The following AR variants were observed in gnomAD, a reference collection of about 807,000 sequenced individuals.
The protein encoded by AR is dihydrotestosterone receptor.
A neutral mutation model predicts 53.9 loss-of-function variants in AR; 8 were observed. That is an observed-to-expected ratio of 0.15 (90% CI 0.09 to 0.27). The LOEUF (loss-of-function observed/expected upper bound fraction) is 0.27, where lower values mean the gene tolerates loss of function less well. Ranked by LOEUF, AR falls within the 10% of genes least tolerant of loss-of-function variation. AR has a pLI of 1.00. For synonymous variants in AR, 359 were observed against 316.4 expected (o/e 1.13, Z -1.43); for missense variants, 639 against 742.5 (o/e 0.86, Z 1.62).
chrX:67,681,866 T>G (rs2075936336), intron 2 of AR, among the ~76,000 whole-genome samples: 1 of 112,382 alleles, frequency 8.9e-6, no homozygotes, highest in Non-Finnish European at 1.9e-5. Context: ...TTATGGACTG[T>G]GATTTGCAGC....
At chrX:67,680,439 A>G (rs1459685520) in intron 2 of AR, among the ~76,000 whole-genome samples, 2 of 112,342 alleles carry the variant, frequency 1.8e-5, no homozygotes, top group Non-Finnish European at 3.8e-5. Flanking sequence ...TCATTGGGAA[A>G]GAACTGAAAT....
chrX:67,568,233 T>C (rs1053913407), intron 1 of AR, among the ~76,000 whole-genome samples: 11 of 112,091 alleles, frequency 9.8e-5, no homozygotes, highest in African/African-American at 3.6e-4. Context: ...TTCTGAGGAC[T>C]AATTGTGCTT....
chrX:67,561,756 T>C (rs1460718616), intron 1 of AR, among the ~76,000 whole-genome samples: 3 of 110,327 alleles, frequency 2.7e-5, no homozygotes, highest in Non-Finnish European at 5.7e-5. Context: ...TCATGGAGCA[T>C]CTCCTTTTGT....
At chrX:67,592,320 T>A (rs1304770585) in intron 1 of AR, among the ~76,000 whole-genome samples, 3 of 112,176 alleles carry the variant, frequency 2.7e-5, no homozygotes, top group Non-Finnish European at 5.6e-5. Flanking sequence ...TATAGGGCAA[T>A]CCAGGTTTAC....
chrX:67,707,234 G>A (rs1179280746), intron 3 of AR, among the ~76,000 whole-genome samples: 1 of 111,802 alleles, frequency 8.9e-6, no homozygotes, highest in Non-Finnish European at 1.9e-5. Flanking sequence ...AATGTTGACA[G>A]TGGGGTGTTA....
intron 4 of AR, among the ~76,000 whole-genome samples, chrX:67,714,409 C>T (rs763357076): frequency 2.7e-4 from 30 of 111,872 alleles, no homozygotes; most frequent in African/African-American, 8.8e-4. Context: ...ACTGCTTTCA[C>T]GAAACTCAAT....
chrX:67,590,340 T>C (rs1922768576), intron 1 of AR, among the ~76,000 whole-genome samples: 1 of 111,600 alleles, frequency 9.0e-6, no homozygotes, highest in Non-Finnish European at 1.9e-5. Context: ...ATGATAACAA[T>C]TGTTCATCAT....
chrX:67,680,295 A>G (rs1301013324), intron 2 of AR, among the ~76,000 whole-genome samples: 1 of 112,004 alleles, frequency 8.9e-6, no homozygotes, highest in Non-Finnish European at 1.9e-5. Context: ...GATACTTTAA[A>G]TGTACAGCAG....
At chrX:67,661,039 C>T (rs1030929526) in intron 2 of AR, among the ~76,000 whole-genome samples, 2 of 111,678 alleles carry the variant, frequency 1.8e-5, no homozygotes, top group Admixed American at 1.9e-4. Flanking sequence ...CATAAGAATG[C>T]TTGTGATTTT....
At chrX:67,558,273 T>C (rs895695550) in intron 1 of AR, among the ~76,000 whole-genome samples, 1 of 112,635 alleles carries the variant, frequency 8.9e-6, no homozygotes, top group African/African-American at 3.2e-5. Context: ...ATGATAGCAC[T>C]TCCTGAATGT....
rs2076170538 is a variant in AR at position 67,729,191 on chromosome X, A to G, written c.*5350A>G. On this transcript the variant is annotated 3_prime_UTR_variant, in exon 8 of 8. Transcript: ENST00000374690. ...TGTTCTGTAAAGATTTTGACAAATG[A>G]AAATGTGTTTTTCTCTGTTAAAACT... 5.7e-6 allele frequency: 1 copy of G among 175,819 alleles called. No homozygotes were observed. The highest frequency in any genetic ancestry group is 8.1e-5 in the East Asian group (1 of 12,416). The allele number at this position is 175,819 out of a possible 1,213,427, so 14.5% of individuals were successfully genotyped here. A position where few individuals can be genotyped will look rare whatever the true frequency, so the allele number is the denominator to read the frequency against.
chrX:67,716,225 G>A (rs956556739), intron 4 of AR, among the ~76,000 whole-genome samples: 1 of 112,084 alleles, frequency 8.9e-6, no homozygotes, highest in Non-Finnish European at 1.9e-5. Context: ...CAAGTCTTGT[G>A]GGGGAGACAG....
chrX:67,546,505 T>C lies in AR; in HGVS notation c.1359T>C (p.Gly453=), dbSNP rs1434424401. ...EGQLYGPCGG[G]GGGGGGGGGG... ...AGTTGTATGGACCGTGTGGTGGTGG[T>C]GGGGGTGGTGGCGGCGGCGGCGGCG... The change falls in exon 1 of 8, where the codon GGT becomes GGC. Residue 453 remains glycine, a synonymous_variant. Coordinates refer to ENST00000374690, the MANE Select transcript of AR (RefSeq NM_000044.6). 6 of 511,767 alleles carry C rather than the reference T, an allele frequency of 1.2e-5. No individual in the cohort carries two copies. The highest frequency in any genetic ancestry group is 1.7e-5 in the Non-Finnish European group (6 of 357,153). The allele number at this position is 511,767 out of a possible 1,213,427, so 42.2% of individuals were successfully genotyped here.
At position 67,711,614 on chromosome X, in the gene AR, G is replaced by T. The variant is rs1569312988; in HGVS notation, c.2098G>T (p.Ala700Ser). Residue 700 changes from alanine (A) to serine (S), a missense_variant, in exon 4 of 8, where the codon GCC becomes TCC. This residue lies in a region of AR where 95 missense variants were observed against 196.4 expected (regional missense o/e 0.48). Transcript: ENST00000374690. ...HDNNQPDSFA[A>S]LLSSLNELGE... ...CAACAACCAGCCCGACTCCTTTGCAGCCTTGCTCTCTAGCCTCAATGAACT... is the reference window on the plus strand; with the variant it reads ...CAACAACCAGCCCGACTCCTTTGCATCCTTGCTCTCTAGCCTCAATGAACT... 2 of 1,210,655 alleles carry T rather than the reference G, an allele frequency of 1.7e-6. No homozygotes were observed. Among genetic ancestry groups the T allele is most frequent in the Non-Finnish European group, 2.2e-6 (2 of 894,667 alleles).
At chrX:67,678,456 T>G (rs2075913555) in intron 2 of AR, among the ~76,000 whole-genome samples, 1 of 112,156 alleles carries the variant, frequency 8.9e-6, no homozygotes, top group Admixed American at 9.5e-5. Context: ...TCATCTATGT[T>G]GCTGCAAATG....
chrX:67,702,065 A>G (rs1317488550), intron 3 of AR, among the ~76,000 whole-genome samples: 2 of 111,609 alleles, frequency 1.8e-5, no homozygotes, highest in Non-Finnish European at 3.8e-5. Context: ...GGGCTTTATA[A>G]TCAGAAGATG....
At chrX:67,684,925 G>A (rs934194922) in intron 2 of AR, among the ~76,000 whole-genome samples, 10 of 109,295 alleles carry the variant, frequency 9.1e-5, no homozygotes, top group Admixed American at 7.8e-4. Context: ...TTCTTTTTCC[G>A]ACCACAAGCA....
At chrX:67,673,012 T>C (rs988863526) in intron 2 of AR, among the ~76,000 whole-genome samples, 1 of 110,542 alleles carries the variant, frequency 9.0e-6, no homozygotes, top group Non-Finnish European at 1.9e-5. Flanking sequence ...TTCAAGGATA[T>C]TTTCACTGGA....
At chrX:67,576,448 AAG>A (rs905480036) in intron 1 of AR, among the ~76,000 whole-genome samples, 8 of 110,090 alleles carry the variant, frequency 7.3e-5, no homozygotes, top group Non-Finnish European at 9.5e-5. Flanking sequence ...GACAAAAAAA[AAG>A]AGAGAGAGAG....
Sources: allele counts gnomAD v4.1 joint callset (sites outside exome capture counted in the v4.1 genomes callset), GRCh38; gene constraint gnomAD v4.1.1; regional missense constraint gnomAD v4.1.1; transcripts MANE v1.5; gene names NCBI Gene and HGNC (gene_info 2026-07-23, HGNC 2026-07-21).